HEYL: variants seen among roughly 807,000 people sequenced by gnomAD.
The protein encoded by HEYL is hes related family bHLH transcription factor with YRPW motif like, also known as hairy/enhancer-of-split related with YRPW motif-like protein.
In HEYL, 12 loss-of-function variants were observed where a neutral mutation model predicts 18.6. That is an observed-to-expected ratio of 0.65 (90% CI 0.41 to 1.05). The LOEUF is 1.05. HEYL is among the 50% of genes least tolerant of loss of function. The probability of loss-of-function intolerance (pLI) is 0.00; values close to 1 mark genes in which losing one functional copy is unlikely to be tolerated. For missense variants in HEYL, 420 were observed against 444.7 expected (o/e 0.94, Z 0.50); for synonymous variants, 159 against 179.6 (o/e 0.89, Z 0.91).
intron 1 of HEYL, among the ~76,000 whole-genome samples, chr1:39,635,732 G>A (rs1203367530): frequency 6.6e-6 from 1 of 152,100 alleles, no homozygotes; most frequent in Non-Finnish European, 1.5e-5. Flanking sequence ...TTCTGGCTCC[G>A]CTTCAGCATT....
At chr1:39,639,475 G>A (rs1570446473) in intron 1 of HEYL, 71 bp downstream of exon 1, 5 of 1,344,738 alleles carry the variant, frequency 3.7e-6, no homozygotes, top group Non-Finnish European at 5.0e-6. Flanking sequence ...CCGCCTGCTC[G>A]GCGAGCCCGT....
At chr1:39,636,970 C>A (rs1224174753) in intron 1 of HEYL, among the ~76,000 whole-genome samples, 2 of 152,230 alleles carry the variant, frequency 1.3e-5, no homozygotes. Flanking sequence ...AAACCTTATC[C>A]TGCGAGGCAG....
At position 39,639,535 on chromosome 1, in the gene HEYL, C is replaced by G. The variant is rs1646376692; in HGVS notation, c.80+11G>C. ...CCTCCGCCTGCTCGGTCCCCGCATC[C>G]CGGCCCTTACCTCAGCTGGCCCTCT... On this transcript the variant is annotated intron_variant, in intron 1 of 4. Transcript: ENST00000372852. 1 of 1,576,956 alleles carries G rather than the reference C, an allele frequency of 6.3e-7. No homozygotes were observed. Among genetic ancestry groups the G allele is most frequent in the Non-Finnish European group, 8.6e-7 (1 of 1,166,524 alleles).
intron 3 of HEYL, 78 bp from the exon 4 acceptor site, chr1:39,630,386 C>G: frequency 8.9e-7 from 1 of 1,125,544 alleles, no homozygotes; most frequent in Non-Finnish European, 1.4e-6. Flanking sequence ...CTCACTGTCT[C>G]GATTTTCTCA....
At position 39,623,903 on chromosome 1, in the gene HEYL, C is replaced by A. The variant is rs796152277; in HGVS notation, c.*2604G>T. Among the ~76,000 whole-genome samples the A allele has an allele frequency of 3.9e-5, 6 of 152,262 alleles. No homozygotes were observed. The South Asian group carries it at 1.2e-3, about 32-fold the overall frequency. ...AATGAGGCTGGAAATGAGGTTGGGACCAAAAGAAGACCTTTAGAACAATAG... is the reference window on the plus strand; with the variant it reads ...AATGAGGCTGGAAATGAGGTTGGGAACAAAAGAAGACCTTTAGAACAATAG... On this transcript the variant is annotated 3_prime_UTR_variant, in exon 5 of 5. Coordinates refer to ENST00000372852, the MANE Select transcript of HEYL (RefSeq NM_014571.4).
At chr1:39,629,193 C>T (rs1002759519) in intron 4 of HEYL, among the ~76,000 whole-genome samples, 2 of 152,182 alleles carry the variant, frequency 1.3e-5, no homozygotes, top group Non-Finnish European at 2.9e-5. Flanking sequence ...AATGAAACAA[C>T]ACAAGTGAAA....
At position 39,625,344 on chromosome 1, in the gene HEYL, G is replaced by C. The variant is rs560538573; in HGVS notation, c.*1163C>G. 6.6e-6 allele frequency: 1 copy of C among 152,266 alleles called. No individual in the cohort carries two copies. The highest frequency in any genetic ancestry group is 2.4e-5 in the African/African-American group (1 of 41,452). 9.4% of individuals were successfully genotyped at this position (152,266 alleles called of 1,614,324 possible). A position where few individuals can be genotyped will look rare whatever the true frequency, so the allele number is the denominator to read the frequency against. ...AAAAAGTGGCCTAGGGTGGAGCCGG[G>C]GAATGAAATGGCTTCTGAGCAGAGC... On this transcript the variant is annotated 3_prime_UTR_variant, in exon 5 of 5. Coordinates refer to ENST00000372852, the MANE Select transcript of HEYL (RefSeq NM_014571.4).
intron 1 of HEYL, among the ~76,000 whole-genome samples, chr1:39,634,079 T>C (rs1283660412): frequency 6.6e-6 from 1 of 152,198 alleles, no homozygotes; most frequent in Non-Finnish European, 1.5e-5. Flanking sequence ...CCTCAGTGGC[T>C]CCCCAACTTT....
Position 39,626,791 on chromosome 1 carries a change from T to C in HEYL, c.703A>G (p.Asn235Asp), listed in dbSNP as rs1359978819. The C allele has an allele frequency of 6.4e-7, 1 of 1,557,648 alleles. No individual in the cohort carries two copies. The highest frequency in any genetic ancestry group is 8.7e-7 in the Non-Finnish European group (1 of 1,150,160). Residue 235 changes from asparagine to aspartate, a missense_variant, in exon 5 of 5, where the codon AAT becomes GAT. By Grantham distance (23) the Asn-to-Asp change is conservative. Coordinates refer to ENST00000372852, the MANE Select transcript of HEYL (RefSeq NM_014571.4). The stretch of plus-strand genomic sequence containing the variant: ...GATGCCCCTCGACTGGGCAGCACAT[T>C]CCTCCGGGCTGGCAGGATGATGCCT... ...ATGIILPARR[N>D]VLPSRGASST...
intron 1 of HEYL, among the ~76,000 whole-genome samples, chr1:39,637,232 TTGAGA>T (rs1646366008): frequency 6.6e-6 from 1 of 152,154 alleles, no homozygotes; most frequent in Non-Finnish European, 1.5e-5. Context: ...TGGGGCCAGG[TTGAGA>T]TGAGAGCTCT....
In HEYL at chr1:39,626,665, G is replaced by T; in HGVS notation, c.829C>A (p.Gln277Lys). 1 of 1,524,720 alleles carries T rather than the reference G, an allele frequency of 6.6e-7. No homozygotes were observed. Among genetic ancestry groups the T allele is most frequent in the East Asian group, 2.4e-5 (1 of 42,142 alleles). 94.4% of individuals were successfully genotyped at this position (1,524,720 alleles called of 1,614,324 possible). Residue 277 changes from glutamine (Q) to lysine (K), a missense_variant, in exon 5 of 5, where the codon CAG becomes AAG. Gln to Lys is a moderately conservative substitution (Grantham distance 53, BLOSUM62 1). Coordinates refer to ENST00000372852, the MANE Select transcript of HEYL (RefSeq NM_014571.4). ...ARSSHIAPLLQSSSPTPPGPT... is the reference protein window; with the variant it reads ...ARSSHIAPLLKSSSPTPPGPT... ...CCAGGGGGTGTTGGGGAGGAAGACT[G>T]CAGGAGGGGAGCGATGTGGCTGCTC...
intron 4 of HEYL, among the ~76,000 whole-genome samples, chr1:39,629,880 G>C (rs923740239): frequency 1.3e-5 from 2 of 152,202 alleles, no homozygotes; most frequent in Non-Finnish European, 2.9e-5. Context: ...GTTAAGGGGG[G>C]TCAGATTGGG....
intron 1 of HEYL, among the ~76,000 whole-genome samples, chr1:39,635,349 C>T (rs1407508460): frequency 2.0e-5 from 3 of 152,208 alleles, no homozygotes; most frequent in African/African-American, 7.2e-5. Context: ...CTTTGTTCCC[C>T]CCAGCTTGAT....
At chr1:39,639,503 C>A in intron 1 of HEYL, 43 bp downstream of exon 1, 1 of 1,507,788 alleles carries the variant, frequency 6.6e-7, no homozygotes, top group Admixed American at 1.9e-5. Flanking sequence ...ACCCCCACCC[C>A]GCTCGCCCTC....
At chr1:39,638,934 A>G (rs1007440169) in intron 1 of HEYL, among the ~76,000 whole-genome samples, 1 of 152,180 alleles carries the variant, frequency 6.6e-6, no homozygotes, top group African/African-American at 2.4e-5. Context: ...ATCTACCAGG[A>G]GCTGAAAGAC....
Position 39,624,652 on chromosome 1 carries a change from T to C in HEYL, c.*1855A>G, listed in dbSNP as rs1053694126. The C allele has an allele frequency of 6.6e-6, 1 of 152,332 alleles. No individual in the cohort carries two copies. The highest frequency in any genetic ancestry group is 1.9e-4 in the East Asian group (1 of 5,196). 9.4% of individuals were successfully genotyped at this position (152,332 alleles called of 1,614,324 possible). A position where few individuals can be genotyped will look rare whatever the true frequency, so the allele number is the denominator to read the frequency against. ...ATCCTGGGAGCATGTGTGAGTTCTG[T>C]CTTCCTTCTACCACAGTCTCCCCTC... On this transcript the variant is annotated 3_prime_UTR_variant, in exon 5 of 5. Coordinates refer to ENST00000372852, the MANE Select transcript of HEYL (RefSeq NM_014571.4).
chr1:39,634,900 A>T (rs1485211181), intron 1 of HEYL, among the ~76,000 whole-genome samples: 1 of 152,174 alleles, frequency 6.6e-6, no homozygotes, highest in East Asian at 1.9e-4. Flanking sequence ...TCTCTCACCC[A>T]TGTCTTTGGC....
chr1:39,635,533 T>C (rs1646358202), intron 1 of HEYL, among the ~76,000 whole-genome samples: 1 of 152,200 alleles, frequency 6.6e-6, no homozygotes. Flanking sequence ...ATTTCCCCCC[T>C]TCTCCTCTTC....
chr1:39,629,666 CTA>C (rs1646321521), intron 4 of HEYL, among the ~76,000 whole-genome samples: 1 of 152,212 alleles, frequency 6.6e-6, no homozygotes, highest in Non-Finnish European at 1.5e-5. Context: ...GACAGAATTT[CTA>C]TTTGTCTGGA....
Sources: allele counts gnomAD v4.1 joint callset (sites outside exome capture counted in the v4.1 genomes callset), GRCh38; gene constraint gnomAD v4.1.1; transcripts MANE v1.5; gene names NCBI Gene and HGNC (gene_info 2026-07-23, HGNC 2026-07-21).